NKAIN2: variants seen among roughly 807,000 people sequenced by gnomAD.
The protein encoded by NKAIN2 is sodium/potassium transporting ATPase interacting 2, also known as sodium/potassium-transporting ATPase subunit beta-1-interacting protein 2.
NKAIN2 carries 14 observed loss-of-function variants against 32.6 expected under a neutral mutation model. That is an observed-to-expected ratio of 0.43 (90% CI 0.28 to 0.67). The LOEUF (loss-of-function observed/expected upper bound fraction) is 0.67. NKAIN2 is among the 30% of genes least tolerant of loss of function. The probability of loss-of-function intolerance (pLI) is 0.17; values close to 1 mark genes in which losing one functional copy is unlikely to be tolerated. For missense variants in NKAIN2, 198 were observed against 258.3 expected, an observed-to-expected ratio of 0.77 and a Z score of 1.60; for synonymous variants, 80 against 87.2, an observed-to-expected ratio of 0.92 and a Z score of 0.46.
intron 1 of NKAIN2, among the ~76,000 whole-genome samples, chr6:124,163,902 C>T (rs550591340): frequency 1.2e-4 from 18 of 151,884 alleles, no homozygotes; most frequent in Admixed American, 5.9e-4. Flanking sequence ...TAAGATAATA[C>T]GAACTGAAAC....
chr6:123,951,012 T>G (rs1777300735), intron 1 of NKAIN2, among the ~76,000 whole-genome samples: 1 of 152,028 alleles, frequency 6.6e-6, no homozygotes, highest in African/African-American at 2.4e-5. Flanking sequence ...TCAAGAAATT[T>G]TTTCATCCAG....
intron 3 of NKAIN2, among the ~76,000 whole-genome samples, chr6:124,611,174 T>G (rs1323394098): frequency 6.6e-6 from 1 of 152,182 alleles, no homozygotes; most frequent in Non-Finnish European, 1.5e-5. Flanking sequence ...TCTTAGTATT[T>G]TATTACTGGT....
At chr6:124,360,067 G>T (rs997411596) in intron 3 of NKAIN2, among the ~76,000 whole-genome samples, 8 of 152,084 alleles carry the variant, frequency 5.3e-5, no homozygotes, top group East Asian at 1.9e-4. Context: ...TTATATGCTG[G>T]ATTACGTATA....
At position 124,369,150 on chromosome 6, in the gene NKAIN2, G is replaced by A. The variant is rs557052130; in HGVS notation, c.273+13803G>A. Among the ~76,000 whole-genome samples, 18 of 152,074 alleles carry A rather than the reference G, an allele frequency of 1.2e-4. 1 individual carries two copies. The highest frequency in any genetic ancestry group is 6.2e-4 in the South Asian group (3 of 4,814). On this transcript the variant is annotated intron_variant, in intron 3 of 6. Transcript: ENST00000368417. ...AAATAATAACAAATATGAACATGAC[G>A]TAAGCAATTACCATCCTTGTTTGTC...
At chr6:124,157,986 A>C (rs577457008) in intron 1 of NKAIN2, among the ~76,000 whole-genome samples, 1 of 152,330 alleles carries the variant, frequency 6.6e-6, no homozygotes, top group East Asian at 1.9e-4. Flanking sequence ...TTTGTGCAAA[A>C]GTCTAAATAT....
intron 3 of NKAIN2, among the ~76,000 whole-genome samples, chr6:124,459,860 G>T (rs926289059): frequency 6.6e-6 from 1 of 151,672 alleles, no homozygotes; most frequent in African/African-American, 2.4e-5. Context: ...CAAAAAGCAA[G>T]TATCATCTGT....
chr6:124,424,062 C>T (rs1057104005), intron 3 of NKAIN2, among the ~76,000 whole-genome samples: 13 of 152,076 alleles, frequency 8.5e-5, no homozygotes, highest in African/African-American at 3.1e-4. Context: ...GGCGCATTCT[C>T]GGCTCACTGC....
chr6:124,456,313 TA>T (rs11334563), intron 3 of NKAIN2, among the ~76,000 whole-genome samples: 10,273 of 146,002 alleles, frequency 0.07, 1,170 homozygotes, highest in African/African-American at 0.24. Context: ...TATTCCACAA[TA>T]AAAAAAAAAC....
chr6:124,646,066 A>G (rs1302617944), intron 3 of NKAIN2, among the ~76,000 whole-genome samples: 1 of 152,188 alleles, frequency 6.6e-6, no homozygotes, highest in Non-Finnish European at 1.5e-5. Context: ...CAAAATAAAC[A>G]TTCATAAGGG....
intron 1 of NKAIN2, among the ~76,000 whole-genome samples, chr6:123,908,394 A>C (rs1774997451): frequency 6.6e-6 from 1 of 152,172 alleles, no homozygotes; most frequent in Non-Finnish European, 1.5e-5. Flanking sequence ...GCACATCCAA[A>C]CAGAGAAATA....
intron 4 of NKAIN2, among the ~76,000 whole-genome samples, chr6:124,677,175 G>A (rs1160163145): frequency 2.6e-5 from 4 of 152,080 alleles, no homozygotes; most frequent in African/African-American, 9.7e-5. Context: ...CACCATGTTG[G>A]CCAGGCTGGT....
At chr6:124,664,653 G>A (rs1418010916) in intron 4 of NKAIN2, among the ~76,000 whole-genome samples, 1 of 149,758 alleles carries the variant, frequency 6.7e-6, no homozygotes, top group Non-Finnish European at 1.5e-5. Flanking sequence ...AATTAGCCGG[G>A]CGTAGTGGCG....
intron 1 of NKAIN2, among the ~76,000 whole-genome samples, chr6:124,085,410 A>G (rs890318541): frequency 3.9e-5 from 6 of 151,950 alleles, no homozygotes; most frequent in East Asian, 1.9e-4. Flanking sequence ...CAGAGTATCT[A>G]TGTATTTCAG....
chr6:124,248,080 A>C (rs1283347257), intron 1 of NKAIN2, among the ~76,000 whole-genome samples: 1 of 152,054 alleles, frequency 6.6e-6, no homozygotes, highest in Non-Finnish European at 1.5e-5. Flanking sequence ...TGTAGGAGAG[A>C]CAAAAAAGAC....
chr6:123,995,581 A>T (rs763368517), intron 1 of NKAIN2, among the ~76,000 whole-genome samples: 19 of 152,210 alleles, frequency 1.2e-4, no homozygotes, highest in Non-Finnish European at 2.6e-4. Flanking sequence ...GACAATTTAA[A>T]TGTGGTCAGA....
At chr6:124,726,361 G>A (rs1245184400) in intron 4 of NKAIN2, among the ~76,000 whole-genome samples, 13 of 150,090 alleles carry the variant, frequency 8.7e-5, no homozygotes, top group Middle Eastern at 6.8e-3. Context: ...CTAGAGATCT[G>A]AGAACGGGCA....
intron 1 of NKAIN2, among the ~76,000 whole-genome samples, chr6:124,159,485 T>A (rs1262038868): frequency 6.6e-6 from 1 of 152,146 alleles, no homozygotes; most frequent in Non-Finnish European, 1.5e-5. Flanking sequence ...CCTCACCCTC[T>A]GCCTTCTTAG....
intron 1 of NKAIN2, among the ~76,000 whole-genome samples, chr6:124,269,703 G>A (rs1347413041): frequency 2.0e-5 from 3 of 151,824 alleles, no homozygotes. Context: ...CCTGACCTCA[G>A]GTGATCCAAC....
chr6:124,008,025 G>A (rs756489066), intron 1 of NKAIN2, among the ~76,000 whole-genome samples: 1 of 152,174 alleles, frequency 6.6e-6, no homozygotes, highest in Admixed American at 6.5e-5. Context: ...GCATGGGACC[G>A]TGTCCTGTTT....
Sources: allele counts gnomAD v4.1 joint callset (sites outside exome capture counted in the v4.1 genomes callset), GRCh38; gene constraint gnomAD v4.1.1; transcripts MANE v1.5; gene names NCBI Gene and HGNC (gene_info 2026-07-23, HGNC 2026-07-21).